Variants in CNTNAP2 observed in about 807,000 individuals in gnomAD.
CNTNAP2 encodes the protein contactin-associated protein-like 2.
In CNTNAP2, 98 loss-of-function variants were observed where a neutral mutation model predicts 155.2. The ratio of observed to expected loss-of-function variants is 0.63; its 90% CI spans 0.54 to 0.75. The LOEUF (loss-of-function observed/expected upper bound fraction) is 0.75, where lower values mean the gene tolerates loss of function less well. CNTNAP2 is among the 30% of genes least tolerant of loss of function. CNTNAP2 has a pLI of 0.00. For missense variants in CNTNAP2, 1,727 were observed against 1,688.1 expected, an observed-to-expected ratio of 1.02 and a Z score of -0.40; for synonymous variants, 651 against 631.2, an observed-to-expected ratio of 1.03 and a Z score of -0.47.
rs138239271 is a variant in CNTNAP2 at position 146,555,627 on chromosome 7, A to G, written c.98-218644A>G. 3.6e-3 allele frequency among the ~76,000 whole-genome samples: 550 copies of G among 152,314 alleles called. 3 individuals carry two copies. Among genetic ancestry groups the G allele is most frequent in the African/African-American group, 0.012 (508 of 41,580 alleles). ...GACTGTAGGAGAGGTACACTTATAT[A>G]TGTAAACATTTAGAGAACAATAAAA... On this transcript the variant is annotated intron_variant, in intron 1 of 23. Coordinates refer to ENST00000361727, the MANE Select transcript of CNTNAP2 (RefSeq NM_014141.6).
At chr7:147,839,612 T>A (rs1362109462) in intron 13 of CNTNAP2, among the ~76,000 whole-genome samples, 1 of 152,138 alleles carries the variant, frequency 6.6e-6, no homozygotes, top group Non-Finnish European at 1.5e-5. Flanking sequence ...CCTGTGTGTT[T>A]TAGGATCTTA....
chr7:148,347,269 A>G (rs1457369002), intron 21 of CNTNAP2, among the ~76,000 whole-genome samples: 9 of 152,060 alleles, frequency 5.9e-5, no homozygotes, highest in Admixed American at 3.9e-4. Flanking sequence ...AAAAAAAAAA[A>G]AGAGAAAACA....
At chr7:148,227,457 A>G (rs553974602) in intron 19 of CNTNAP2, among the ~76,000 whole-genome samples, 2 of 152,274 alleles carry the variant, frequency 1.3e-5, no homozygotes, top group East Asian at 3.9e-4. Context: ...GAGGAGGCTG[A>G]CTAAGACCCA....
chr7:148,283,255 AAAAGAAAGAAAG>A (rs1199149066), intron 21 of CNTNAP2, among the ~76,000 whole-genome samples: 25 of 63,618 alleles, frequency 3.9e-4, no homozygotes, highest in African/African-American at 1.5e-3. Context: ...AAAAAAAAAA[AAAAGAAAGAAAG>A]AAAGAAAGAA....
intron 10 of CNTNAP2, among the ~76,000 whole-genome samples, chr7:147,414,260 C>T (rs1292046828): frequency 6.6e-6 from 1 of 151,654 alleles, no homozygotes; most frequent in Non-Finnish European, 1.5e-5. Context: ...CCCGTGTCTG[C>T]TAAAAATATA....
intron 2 of CNTNAP2, among the ~76,000 whole-genome samples, chr7:146,792,055 G>T (rs1368107678): frequency 6.6e-6 from 1 of 152,062 alleles, no homozygotes; most frequent in Non-Finnish European, 1.5e-5. Flanking sequence ...GCAGAAATCG[G>T]GAAATAAAAA....
chr7:146,652,231 GT>G (rs34304249), intron 1 of CNTNAP2, among the ~76,000 whole-genome samples: 72,110 of 151,786 alleles, frequency 0.48, 17,864 homozygotes, highest in South Asian at 0.57. Flanking sequence ...TGGCAAACTG[GT>G]AATGCCTTCC....
chr7:147,213,437 T>C (rs931659567), intron 8 of CNTNAP2, among the ~76,000 whole-genome samples: 2 of 151,990 alleles, frequency 1.3e-5, no homozygotes, highest in Non-Finnish European at 2.9e-5. Context: ...CCCAGTTGAG[T>C]TGACACATCA....
intron 3 of CNTNAP2, among the ~76,000 whole-genome samples, chr7:146,857,641 A>G (rs370794815): frequency 4.6e-5 from 7 of 152,178 alleles, no homozygotes; most frequent in African/African-American, 1.2e-4. Context: ...CTGAGAAACA[A>G]TGGGAGGGGC....
intron 10 of CNTNAP2, among the ~76,000 whole-genome samples, chr7:147,462,631 A>G (rs1472188089): frequency 6.6e-6 from 1 of 152,254 alleles, no homozygotes; most frequent in Non-Finnish European, 1.5e-5. Context: ...CAGTTGTCAT[A>G]TACCATAGTA....
chr7:146,698,779 C>A (rs1800827137), intron 1 of CNTNAP2, among the ~76,000 whole-genome samples: 1 of 152,080 alleles, frequency 6.6e-6, no homozygotes, highest in Non-Finnish European at 1.5e-5. Flanking sequence ...CATTTCGTAA[C>A]ACTCATACAT....
chr7:146,649,146 T>C (rs1403242744), intron 1 of CNTNAP2, among the ~76,000 whole-genome samples: 2 of 152,118 alleles, frequency 1.3e-5, no homozygotes, highest in Non-Finnish European at 2.9e-5. Context: ...TTTTAGATAA[T>C]CATTTGTAAC....
intron 9 of CNTNAP2, among the ~76,000 whole-genome samples, chr7:147,339,694 A>AT (rs11437566): frequency 0.39 from 59,224 of 151,812 alleles, 11,842 homozygotes; most frequent in South Asian, 0.49. Flanking sequence ...CAAAGCAAGA[A>AT]TTTTTTTTCC....
chr7:146,290,440 T>C (rs73459952), intron 1 of CNTNAP2, among the ~76,000 whole-genome samples: 2,953 of 152,302 alleles, frequency 0.019, 114 homozygotes, highest in African/African-American at 0.067. Flanking sequence ...AAGCTGGTTC[T>C]TTAAGAAGCT....
intron 1 of CNTNAP2, among the ~76,000 whole-genome samples, chr7:146,525,001 T>G (rs1442367779): frequency 6.6e-6 from 1 of 152,060 alleles, no homozygotes; most frequent in Non-Finnish European, 1.5e-5. Context: ...TGAAGTTTCA[T>G]GGGAAAAGCA....
intron 12 of CNTNAP2, among the ~76,000 whole-genome samples, chr7:147,618,837 T>C (rs189515018): frequency 6.6e-6 from 1 of 152,222 alleles, no homozygotes; most frequent in Admixed American, 6.5e-5. Context: ...GCTCCAGCCA[T>C]GCAAGGAATT....
intron 3 of CNTNAP2, among the ~76,000 whole-genome samples, chr7:146,862,381 C>T (rs989908045): frequency 6.6e-6 from 1 of 151,996 alleles, no homozygotes; most frequent in Admixed American, 6.6e-5. Context: ...TGGATCATAA[C>T]ATGCTATTTC....
intron 15 of CNTNAP2, among the ~76,000 whole-genome samples, chr7:148,087,551 C>T (rs1427786938): frequency 2.0e-5 from 3 of 152,118 alleles, no homozygotes; most frequent in African/African-American, 4.8e-5. Context: ...CTCATCAAAT[C>T]ATCGAAATTT....
At chr7:146,770,542 T>C (rs1802276453) in intron 1 of CNTNAP2, among the ~76,000 whole-genome samples, 1 of 152,018 alleles carries the variant, frequency 6.6e-6, no homozygotes, top group South Asian at 2.1e-4. Context: ...TGATAATAAT[T>C]TTGCAGTCAC....
Sources: allele counts gnomAD v4.1 joint callset (sites outside exome capture counted in the v4.1 genomes callset), GRCh38; gene constraint gnomAD v4.1.1; transcripts MANE v1.5; gene names NCBI Gene and HGNC (gene_info 2026-07-23, HGNC 2026-07-21).